Variants in ESR1 observed in about 807,000 individuals in gnomAD.
ESR1 encodes the protein estrogen receptor.
ESR1 carries 12 observed loss-of-function variants against 52.7 expected under a neutral mutation model. The observed-to-expected ratio is 0.23, with a 90% CI of 0.15 to 0.37. The LOEUF (loss-of-function observed/expected upper bound fraction) is 0.37, where lower values mean the gene tolerates loss of function less well. Ranked by LOEUF, ESR1 falls within the 10% of genes least tolerant of loss-of-function variation. The probability of loss-of-function intolerance (pLI) is 1.00; values close to 1 mark genes in which losing one functional copy is unlikely to be tolerated. For missense variants in ESR1, 584 were observed against 779.7 expected (o/e 0.75, Z 2.99); for synonymous variants, 305 against 316.8 (o/e 0.96, Z 0.39).
intron 4 of ESR1, among the ~76,000 whole-genome samples, chr6:151,961,462 G>T (rs1245356214): frequency 6.6e-6 from 1 of 152,124 alleles, no homozygotes; most frequent in South Asian, 2.1e-4. Context: ...ATGAAAAAAT[G>T]GGAGGGAAGG....
chr6:151,832,707 T>C (rs1456167917), intron 1 of ESR1, among the ~76,000 whole-genome samples: 1 of 152,228 alleles, frequency 6.6e-6, no homozygotes, highest in Non-Finnish European at 1.5e-5. Context: ...TATTGGGTAT[T>C]TTCTGTCTGA....
intron 1 of ESR1, among the ~76,000 whole-genome samples, chr6:151,809,943 G>GTGAA (rs1562428731): frequency 6.6e-6 from 1 of 151,962 alleles, no homozygotes; most frequent in African/African-American, 2.4e-5. Context: ...ACTGCTTGAT[G>GTGAA]TGAAGGAAGG....
intron 1 of ESR1, among the ~76,000 whole-genome samples, chr6:151,664,269 G>A (rs772887230): frequency 1.5e-4 from 23 of 152,152 alleles, no homozygotes; most frequent in Non-Finnish European, 2.6e-4. Flanking sequence ...ACTAGGAGAA[G>A]GTCAGCCTTC....
At chr6:151,850,048 A>T (rs1443160110) in intron 2 of ESR1, among the ~76,000 whole-genome samples, 5 of 128,416 alleles carry the variant, frequency 3.9e-5, no homozygotes, top group African/African-American at 1.5e-4. Context: ...ATATAATTTT[A>T]TATATATATA....
chr6:151,781,979 T>G (rs909990360), intron 2 of ESR1, among the ~76,000 whole-genome samples: 7 of 152,210 alleles, frequency 4.6e-5, no homozygotes, highest in Admixed American at 6.5e-5. Context: ...ACTAAAATAC[T>G]AAGGACGAGA....
chr6:152,020,574 C>T (rs999038700), intron 5 of ESR1, among the ~76,000 whole-genome samples: 51 of 152,190 alleles, frequency 3.4e-4, no homozygotes, highest in African/African-American at 1.2e-3. Context: ...CCTCAGCCTA[C>T]AGAGTAGTTG....
intron 5 of ESR1, among the ~76,000 whole-genome samples, chr6:152,040,375 A>C (rs1345689166): frequency 1.3e-5 from 2 of 152,116 alleles, no homozygotes. Context: ...GATTATTAAA[A>C]TCCTCCTCTG....
intron 3 of ESR1, among the ~76,000 whole-genome samples, chr6:151,917,836 C>T (rs1271610813): frequency 6.6e-6 from 1 of 152,108 alleles, no homozygotes; most frequent in African/African-American, 2.4e-5. Context: ...AAGTTAGAAA[C>T]AAATGTCATC....
chr6:152,048,188 G>A (rs1243591371), intron 5 of ESR1, among the ~76,000 whole-genome samples: 2 of 151,656 alleles, frequency 1.3e-5, no homozygotes, highest in African/African-American at 4.8e-5. Context: ...GGCCAACATG[G>A]TGAAACCCCG....
At chr6:151,916,814 T>C (rs2030333588) in intron 3 of ESR1, among the ~76,000 whole-genome samples, 1 of 152,200 alleles carries the variant, frequency 6.6e-6, no homozygotes, top group Non-Finnish European at 1.5e-5. Flanking sequence ...GCTTTGGTAC[T>C]CTGGGCCTTG....
chr6:151,691,664 C>T (rs747769833), intron 1 of ESR1, among the ~76,000 whole-genome samples: 2 of 151,590 alleles, frequency 1.3e-5, no homozygotes, highest in African/African-American at 4.9e-5. Flanking sequence ...CTGGGAAACT[C>T]ATCTGGTTTT....
At chr6:151,923,797 G>T (rs914572285) in intron 3 of ESR1, among the ~76,000 whole-genome samples, 1 of 152,140 alleles carries the variant, frequency 6.6e-6, no homozygotes, top group African/African-American at 2.4e-5. Flanking sequence ...GTGTGCATGT[G>T]TATTTTCAAA....
chr6:151,761,964 G>T (rs1042598768), intron 2 of ESR1, among the ~76,000 whole-genome samples: 5 of 152,200 alleles, frequency 3.3e-5, no homozygotes, highest in Non-Finnish European at 7.3e-5. Context: ...GACACACCTT[G>T]AAATTCTTCT....
chr6:152,070,720 T>C lies in ESR1; in HGVS notation c.1369+9596T>C, dbSNP rs573560665. Among the ~76,000 whole-genome samples the C allele has an allele frequency of 7.9e-5, 11 of 138,940 alleles. 2 individuals carry two copies. The South Asian group carries it at 9.0e-4, about 11-fold the overall frequency. 91.2% of individuals were successfully genotyped at this position (138,940 alleles called of 152,430 possible). ...GAGTTCCATCTTGCCCTGCATGGCC[T>C]CCCCCATGGGGTCATTGAGCTCCCC... On this transcript the variant is annotated intron_variant, in intron 6 of 7. Coordinates refer to ENST00000206249, the MANE Select transcript of ESR1 (RefSeq NM_000125.4).
At chr6:152,018,311 CAA>C (rs149653343) in intron 5 of ESR1, among the ~76,000 whole-genome samples, 3,113 of 136,400 alleles carry the variant, frequency 0.023, 82 homozygotes, top group East Asian at 0.12. Flanking sequence ...AAAAAATATG[CAA>C]AAAAAAAAAT....
intron 1 of ESR1, among the ~76,000 whole-genome samples, chr6:151,696,828 G>T (rs533942359): frequency 2.3e-4 from 35 of 152,178 alleles, no homozygotes; most frequent in Non-Finnish European, 4.1e-4. Context: ...GTAAACAGAA[G>T]AAGGTATTTC....
intron 5 of ESR1, among the ~76,000 whole-genome samples, chr6:152,052,328 A>G (rs895714440): frequency 6.6e-6 from 1 of 152,298 alleles, no homozygotes; most frequent in African/African-American, 2.4e-5. Flanking sequence ...TGGAGGGAAC[A>G]CACATCTACC....
At chr6:151,658,355 C>T (rs1046652855) in intron 1 of ESR1, among the ~76,000 whole-genome samples, 19 of 152,190 alleles carry the variant, frequency 1.2e-4, no homozygotes, top group African/African-American at 4.6e-4. Context: ...ATTCTGAAAT[C>T]CTTTTCCCCT....
chr6:152,118,619 G>C (rs556798400), intron 6 of ESR1, among the ~76,000 whole-genome samples: 4 of 150,686 alleles, frequency 2.7e-5, no homozygotes, highest in East Asian at 3.9e-4. Flanking sequence ...GGTAAGGGGT[G>C]GGGGGCAAGG....
Sources: gnomAD v4.1 joint callset for allele counts (sites outside exome capture counted in the v4.1 genomes callset) on GRCh38, gnomAD v4.1.1 for gene constraint, MANE v1.5 for transcripts, NCBI Gene and HGNC (gene_info 2026-07-23, HGNC 2026-07-21) for gene names.